The following SHISAL1 variants were observed in gnomAD, a reference collection of about 807,000 sequenced individuals.
SHISAL1 encodes shisa like 1, also known as protein shisa-like-1.
Under a neutral mutation model 22.6 loss-of-function variants are expected in SHISAL1, and 9 were observed. The ratio of observed to expected loss-of-function variants is 0.40; its 90% CI spans 0.24 to 0.70. The LOEUF (loss-of-function observed/expected upper bound fraction) is 0.70, where lower values mean the gene tolerates loss of function less well. Among genes scored for constraint, SHISAL1 ranks in the 30% least tolerant of loss-of-function variants. SHISAL1 has a pLI of 0.39. For missense variants in SHISAL1, 246 were observed against 270.6 expected (o/e 0.91, Z 0.64); for synonymous variants, 119 against 115.4 (o/e 1.03, Z -0.20).
At chr22:44,253,041 A>G (rs2055059696) in intron 4 of SHISAL1, among the ~76,000 whole-genome samples, 1 of 152,042 alleles carries the variant, frequency 6.6e-6, no homozygotes, top group Admixed American at 6.5e-5. Context: ...GATTTTTACA[A>G]AGTTCTACAG....
chr22:44,322,400 C>T, the SHISAL1 span, among the ~76,000 whole-genome samples: 1 of 152,156 alleles, frequency 6.6e-6, no homozygotes, highest in Non-Finnish European at 1.5e-5. Context: ...CTTCCCTGAC[C>T]GTGTGCCTCA....
intron 1 of SHISAL1, among the ~76,000 whole-genome samples, chr22:44,307,611 C>T (rs964919128): frequency 5.3e-5 from 8 of 152,256 alleles, no homozygotes; most frequent in East Asian, 3.9e-4. Context: ...CTGAGTGGGA[C>T]GTTCCTGAAC....
chr22:44,269,591 T>TAC (rs135419), intron 4 of SHISAL1, among the ~76,000 whole-genome samples: 3 of 145,028 alleles, frequency 2.1e-5, no homozygotes, highest in Admixed American at 7.0e-5. Flanking sequence ...TACCACACCA[T>TAC]ACACACACAC....
At chr22:44,298,222 G>A (rs1048109082) in intron 2 of SHISAL1, among the ~76,000 whole-genome samples, 1 of 152,228 alleles carries the variant, frequency 6.6e-6, no homozygotes, top group African/African-American at 2.4e-5. Context: ...GGATGTAGAG[G>A]TTATTAGAGA....
chr22:44,255,192 T>A (rs9614411), intron 4 of SHISAL1, among the ~76,000 whole-genome samples: 53,014 of 151,842 alleles, frequency 0.35, 10,542 homozygotes, highest in African/African-American at 0.52. Context: ...ATATATATAT[T>A]TTTTTTGAGA....
Position 44,261,077 on chromosome 22 carries a change from T to TTATATATATATATATATATATATATA in SHISAL1, c.*-11393_*-11392insTATATATATATATATATATATATATA, listed in dbSNP as rs56290835. ...AGAATGTGGTGTTTGCTTCATTACT[T>TTATATATATATATATATATATATATA]TATATATATATATATATATATACAC... On this transcript the variant is annotated intron_variant, in intron 4 of 4. Coordinates refer to ENST00000381176, the MANE Select transcript of SHISAL1 (RefSeq NM_001099294.2). Among the ~76,000 whole-genome samples, 233 of 108,494 alleles carry TTATATATATATATATATATATATATA rather than the reference T, an allele frequency of 2.1e-3. 7 individuals carry two copies. Among genetic ancestry groups the TTATATATATATATATATATATATATA allele is most frequent in the South Asian group, 5.3e-3 (16 of 3,006 alleles). 71.2% of individuals were successfully genotyped at this position (108,494 alleles called of 152,430 possible).
At chr22:44,251,626 A>G (rs1268465240) in intron 4 of SHISAL1, among the ~76,000 whole-genome samples, 1 of 152,204 alleles carries the variant, frequency 6.6e-6, no homozygotes, top group Admixed American at 6.5e-5. Flanking sequence ...AGGAGGAGCA[A>G]GTCACATCTT....
At position 44,300,401 on chromosome 22, in the gene SHISAL1, C is replaced by A. The variant is rs1477839381; in HGVS notation, c.67+478G>T. On this transcript the variant is annotated intron_variant, in intron 2 of 4. Coordinates refer to ENST00000381176, the MANE Select transcript of SHISAL1 (RefSeq NM_001099294.2). ...ACTTAGTTTGTGCTCATCCTTGTAA[C>A]TGGGAGAGCAGGAGCCCACCTGCGA... is the stretch of plus-strand genomic sequence containing the variant. 1.3e-5 allele frequency among the ~76,000 whole-genome samples: 2 copies of A among 152,190 alleles called. 1 individual carries two copies. The highest frequency in any genetic ancestry group is 4.8e-5 in the African/African-American group (2 of 41,452).
At chr22:44,266,601 G>A (rs2055165968) in intron 4 of SHISAL1, among the ~76,000 whole-genome samples, 1 of 150,718 alleles carries the variant, frequency 6.6e-6, no homozygotes, top group East Asian at 2.0e-4. Flanking sequence ...AGGCTCTGGT[G>A]TGTGTGTTGG....
At chr22:44,254,053 CACTT>C (rs1435206769) in intron 4 of SHISAL1, among the ~76,000 whole-genome samples, 1 of 151,950 alleles carries the variant, frequency 6.6e-6, no homozygotes, top group African/African-American at 2.4e-5. Flanking sequence ...GGTCTATAAA[CACTT>C]AGATAACCTT....
intron 2 of SHISAL1, among the ~76,000 whole-genome samples, chr22:44,299,901 C>T (rs1351067954): frequency 7.0e-6 from 1 of 142,210 alleles, no homozygotes; most frequent in East Asian, 2.0e-4. Flanking sequence ...GACAGAGAGA[C>T]AGAGACAGAG....
At chr22:44,281,009 G>A (rs1194672441) in intron 4 of SHISAL1, among the ~76,000 whole-genome samples, 2 of 152,174 alleles carry the variant, frequency 1.3e-5, no homozygotes, top group Non-Finnish European at 1.5e-5. Flanking sequence ...GCAGGAACGT[G>A]GCAACATCCT....
intron 4 of SHISAL1, among the ~76,000 whole-genome samples, chr22:44,260,141 C>T (rs2055111805): frequency 6.6e-6 from 1 of 152,106 alleles, no homozygotes; most frequent in Non-Finnish European, 1.5e-5. Context: ...CCCTGCATGC[C>T]TTTCACACCA....
chr22:44,270,759 C>T (rs931367169), intron 4 of SHISAL1, among the ~76,000 whole-genome samples: 1 of 152,200 alleles, frequency 6.6e-6, no homozygotes, highest in African/African-American at 2.4e-5. Flanking sequence ...CTGTGCTTCC[C>T]TGGCTCTGCC....
chr22:44,286,863 G>A (rs971463662), intron 3 of SHISAL1, among the ~76,000 whole-genome samples: 14 of 152,232 alleles, frequency 9.2e-5, no homozygotes, highest in African/African-American at 2.7e-4. Flanking sequence ...CCACCGATCT[G>A]TTAATCACTC....
intron 4 of SHISAL1, 88 bp downstream of exon 4, chr22:44,285,340 A>G: frequency 7.1e-7 from 1 of 1,408,258 alleles, no homozygotes; most frequent in Non-Finnish European, 9.9e-7. Flanking sequence ...CAATGAGCCA[A>G]ACACTATGGC....
rs116351584 is a variant in SHISAL1, at chr22:44,257,404, A to T, written c.*-7719T>A. On this transcript the variant is annotated intron_variant, in intron 4 of 4. Coordinates refer to ENST00000381176, the MANE Select transcript of SHISAL1 (RefSeq NM_001099294.2). ...AGACAGCTGTCCTCAGCCACCTCCC[A>T]TACCGTGCTTTCCTTCCCTGGGCAT... Among the ~76,000 whole-genome samples the T allele has an allele frequency of 4.2e-3, 633 of 152,272 alleles. 8 individuals carry two copies. The highest frequency in any genetic ancestry group is 0.015 in the African/African-American group (608 of 41,560).
chr22:44,298,697 G>A (rs2055404742), intron 2 of SHISAL1, among the ~76,000 whole-genome samples: 2 of 152,250 alleles, frequency 1.3e-5, no homozygotes, highest in South Asian at 4.1e-4. Context: ...AGAGCGGTAG[G>A]GCAGCATGGG....
At chr22:44,315,197 G>A (rs2055550468), upstream of SHISAL1, among the ~76,000 whole-genome samples, 1 of 152,140 alleles carries the variant, frequency 6.6e-6, no homozygotes, top group Non-Finnish European at 1.5e-5. Flanking sequence ...GCAGAGACAT[G>A]GGCCTGACTC....
Sources: gnomAD v4.1 joint callset for allele counts (sites outside exome capture counted in the v4.1 genomes callset) on GRCh38, gnomAD v4.1.1 for gene constraint, MANE v1.5 for transcripts, NCBI Gene and HGNC (gene_info 2026-07-23, HGNC 2026-07-21) for gene names.